Variants in IL16 observed in about 807,000 individuals in gnomAD.
IL16 encodes the protein interleukin 16.
A neutral mutation model predicts 110.1 loss-of-function variants in IL16; 67 were observed. That is an observed-to-expected ratio of 0.61 (90% confidence interval 0.50 to 0.75). The LOEUF is 0.75. Ranked by LOEUF, IL16 falls within the 30% of genes least tolerant of loss-of-function variation. The pLI, the probability that IL16 is intolerant of heterozygous loss-of-function variation, is 0.00. For missense variants in IL16, 1,545 were observed against 1,655.0 expected (o/e 0.93, Z 1.15); for synonymous variants, 689 against 662.9 (o/e 1.04, Z -0.61).
intron 1 of IL16, chr15:81,188,290 G>A (rs1895446015): frequency 2.2e-6 from 1 of 455,864 alleles, no homozygotes; most frequent in Non-Finnish European, 4.4e-6. Flanking sequence ...GTGGAGAGGG[G>A]GAGGGTATAG....
rs1250084296 is a variant in IL16, at chr15:81,292,629, C to T, written c.1494C>T (p.Pro498=). The part of the protein sequence containing the change: ...LEKEREKNSA[P]PHRRAQKVMI... ...AGGAACGAGAGAAGAACTCAGCACC[C>T]CCGCATCGCAGGGCTCAGAAGGTCA... The change falls in exon 12 of 19, where the codon CCC becomes CCT. Residue 498 remains proline, a synonymous_variant. Transcript: ENST00000683961. 1.9e-6 allele frequency: 3 copies of T among 1,611,128 alleles called. No homozygotes were observed. Among genetic ancestry groups the T allele is most frequent in the Non-Finnish European group, 2.5e-6 (3 of 1,177,686 alleles).
chr15:81,208,475 C>T (rs1209127343), intron 1 of IL16, among the ~76,000 whole-genome samples: 1 of 152,072 alleles, frequency 6.6e-6, no homozygotes, highest in Admixed American at 6.5e-5. Context: ...TACAGGTGCC[C>T]ACCACCATGC....
chr15:81,237,533 C>A (rs1317881558), intron 2 of IL16, among the ~76,000 whole-genome samples: 1 of 152,028 alleles, frequency 6.6e-6, no homozygotes, highest in Non-Finnish European at 1.5e-5. Flanking sequence ...AATAAAGATG[C>A]CCTATACACC....
At chr15:81,286,592 G>A (rs1227231885) in intron 10 of IL16, among the ~76,000 whole-genome samples, 1 of 152,160 alleles carries the variant, frequency 6.6e-6, no homozygotes, top group East Asian at 1.9e-4. Flanking sequence ...GCTATGGGAG[G>A]TCTGTAGCTG....
intron 6 of IL16, among the ~76,000 whole-genome samples, chr15:81,273,639 C>A (rs1023799301): frequency 1.3e-5 from 2 of 152,106 alleles, no homozygotes; most frequent in African/African-American, 4.8e-5. Flanking sequence ...AAACCAGGTT[C>A]AATGCTTCCA....
intron 1 of IL16, among the ~76,000 whole-genome samples, chr15:81,208,057 A>G (rs1896101621): frequency 6.6e-6 from 1 of 152,266 alleles, no homozygotes; most frequent in African/African-American, 2.4e-5. Context: ...TTGACTTTTT[A>G]ATAACTGTCA....
rs75470005 is a variant in IL16, at chr15:81,294,296, C to G, written c.1902+1259C>G. On this transcript the variant is annotated intron_variant, in intron 12 of 18. Coordinates refer to ENST00000683961, the MANE Select transcript of IL16 (RefSeq NM_172217.5). ...ATCAGATGGATCTGTTCTCCCACCCCCTCTTTTAAGCCCATATTTCATTTT... is the reference window on the plus strand; with the variant it reads ...ATCAGATGGATCTGTTCTCCCACCCGCTCTTTTAAGCCCATATTTCATTTT... Among the ~76,000 whole-genome samples, 979 of 152,296 alleles carry G rather than the reference C, an allele frequency of 6.4e-3. 15 individuals are homozygous for G. The highest frequency in any genetic ancestry group is 0.022 in the African/African-American group (916 of 41,566).
At chr15:81,220,843 A>G (rs1199429939) in intron 1 of IL16, among the ~76,000 whole-genome samples, 1 of 151,900 alleles carries the variant, frequency 6.6e-6, no homozygotes, top group East Asian at 1.9e-4. Context: ...GGAGGAAGGG[A>G]GGGACAGACT....
chr15:81,247,901 G>A (rs1897624119), intron 2 of IL16, among the ~76,000 whole-genome samples: 2 of 152,122 alleles, frequency 1.3e-5, no homozygotes, highest in South Asian at 4.1e-4. Context: ...ATTCAGAATT[G>A]TTGAGAATTA....
At chr15:81,269,133 A>C (rs533473772) in intron 4 of IL16, among the ~76,000 whole-genome samples, 3 of 152,336 alleles carry the variant, frequency 2.0e-5, no homozygotes, top group African/African-American at 7.2e-5. Context: ...GCCTGGCACA[A>C]GGGGAGTTCT....
At chr15:81,188,452 TAA>T in intron 1 of IL16, 1 of 455,830 alleles carries the variant, frequency 2.2e-6, no homozygotes, top group Non-Finnish European at 4.4e-6. Context: ...GCGTTCTGTA[TAA>T]GTCTTATAAT....
chr15:81,214,026 T>G (rs75255851), intron 1 of IL16, among the ~76,000 whole-genome samples: 1 of 59,668 alleles, frequency 1.7e-5, no homozygotes, highest in Non-Finnish European at 2.5e-5. Flanking sequence ...TGCATTTTGT[T>G]TTTTTTTTGT....
upstream of IL16, among the ~76,000 whole-genome samples, chr15:81,194,594 T>C (rs987696092): frequency 6.6e-6 from 1 of 152,068 alleles, no homozygotes; most frequent in Admixed American, 6.5e-5. Context: ...TAAAATTTTG[T>C]AATTAAAAAA....
intron 1 of IL16, among the ~76,000 whole-genome samples, chr15:81,210,754 G>A (rs182018868): frequency 1.3e-5 from 2 of 152,292 alleles, no homozygotes; most frequent in African/African-American, 4.8e-5. Flanking sequence ...TTGGAGTCTA[G>A]GGTTTTCTAA....
At chr15:81,247,868 G>C (rs565773447) in intron 2 of IL16, among the ~76,000 whole-genome samples, 1 of 152,278 alleles carries the variant, frequency 6.6e-6, no homozygotes, top group African/African-American at 2.4e-5. Flanking sequence ...TTGTCAGAAA[G>C]CATGGAGTGG....
chr15:81,223,686 A>T (rs1896694032), intron 1 of IL16, among the ~76,000 whole-genome samples: 1 of 152,248 alleles, frequency 6.6e-6, no homozygotes, highest in East Asian at 1.9e-4. Context: ...ACCATAGTGA[A>T]GTTTTCAAAC....
intron 2 of IL16, among the ~76,000 whole-genome samples, chr15:81,252,845 G>A (rs994724374): frequency 2.6e-5 from 4 of 152,028 alleles, no homozygotes; most frequent in Admixed American, 1.3e-4. Context: ...TCTATTATAT[G>A]GATATATTCC....
In IL16 at chr15:81,292,990, G is replaced by A. The variant is rs1899811544; in HGVS notation, c.1855G>A (p.Glu619Lys). ...CCCTCAGAAGAGTCTGGAAGAGAGA[G>A]AGAACTCCTCATGCTCTTCTGGGCA... is the stretch of plus-strand genomic sequence containing the variant. ...SDPQKSLEER[E>K]NSSCSSGHTP... The change falls in exon 12 of 19, where the codon GAG (glutamate) becomes AAG (lysine). Residue 619 changes from glutamate (E) to lysine (K), a missense_variant. Physicochemically the swap from Glu to Lys is moderately conservative, Grantham distance 56 (BLOSUM62 1). Coordinates refer to ENST00000683961, the MANE Select transcript of IL16 (RefSeq NM_172217.5). The A allele has an allele frequency of 4.3e-6, 7 of 1,613,174 alleles. No individual in the cohort carries two copies. Among genetic ancestry groups the A allele is most frequent in the Non-Finnish European group, 5.9e-6 (7 of 1,180,024 alleles).
chr15:81,300,448 C>A lies in IL16; in HGVS notation c.3122C>A (p.Ser1041Tyr), dbSNP rs1359270032. ...DSAANGSAET[S>Y]ALDTGFSLNL... Reference sequence around the variant, plus strand: ...GCTGCAAATGGTTCTGCTGAAACATCTGCCTTGGACACAGGGTTCTCGCTC... The same window carrying A: ...GCTGCAAATGGTTCTGCTGAAACATATGCCTTGGACACAGGGTTCTCGCTC... Residue 1041 changes from serine to tyrosine, a missense_variant, in exon 14 of 19, where the codon TCT becomes TAT. By Grantham distance (144) the Ser-to-Tyr change is moderately radical (BLOSUM62 -2). Around this residue, in one of 3 missense-constraint regions of IL16, gnomAD observed 356 missense variants for 399.3 expected, o/e 0.89. Transcript: ENST00000683961. 7 of 1,613,570 alleles carry A rather than the reference C, an allele frequency of 4.3e-6. No individual in the cohort carries two copies. Among genetic ancestry groups the A allele is most frequent in the Non-Finnish European group, 5.9e-6 (7 of 1,179,510 alleles).
Sources: allele counts gnomAD v4.1 joint callset (sites outside exome capture counted in the v4.1 genomes callset), GRCh38; gene constraint gnomAD v4.1.1; regional missense constraint gnomAD v4.1.1; transcripts MANE v1.5; gene names NCBI Gene and HGNC (gene_info 2026-07-23, HGNC 2026-07-21).